The following CYTH4 variants were observed in gnomAD, a reference collection of about 807,000 sequenced individuals.
CYTH4 encodes the protein cytohesin 4, also known as cytohesin-4.
Under a neutral mutation model 57.5 loss-of-function variants are expected in CYTH4, and 22 were observed. The ratio of observed to expected loss-of-function variants is 0.38; its 90% confidence interval spans 0.27 to 0.55. The LOEUF (loss-of-function observed/expected upper bound fraction) is 0.55, where lower values mean the gene tolerates loss of function less well. CYTH4 is among the 20% of genes least tolerant of loss of function. CYTH4 has a pLI of 0.74. For synonymous variants in CYTH4, 186 were observed against 206.5 expected, an observed-to-expected ratio of 0.90 and a Z score of 0.85; for missense variants, 420 against 535.6, an observed-to-expected ratio of 0.78 and a Z score of 2.13.
rs1231588143 is a variant in CYTH4 at position 37,295,115 on chromosome 22, C to T, written c.167+391C>T. 2.6e-5 allele frequency among the ~76,000 whole-genome samples: 4 copies of T among 152,092 alleles called. No homozygotes were observed. The highest frequency in any genetic ancestry group is 9.7e-5 in the African/African-American group (4 of 41,410). On this transcript the variant is annotated intron_variant, in intron 3 of 12. Transcript: ENST00000248901. The surrounding 1 kb of genome is among the most constrained non-coding windows in gnomAD (Gnocchi z 4.1). ...AGGACAGGAGCCTGGCCCTACCCCACCCCACTCACCACTAACCCCGGGCCA... is the reference window on the plus strand; with the variant it reads ...AGGACAGGAGCCTGGCCCTACCCCATCCCACTCACCACTAACCCCGGGCCA...
intron 3 of CYTH4, 71 bp downstream of exon 3, chr22:37,294,795 G>T: frequency 1.3e-6 from 2 of 1,565,288 alleles, no homozygotes; most frequent in Middle Eastern, 1.7e-4. Flanking sequence ...CACCTTGAAT[G>T]AGCAGGGGCC....
At chr22:37,292,780 AC>A in intron 2 of CYTH4, 77 bp downstream of exon 2, 2 of 1,468,788 alleles carry the variant, frequency 1.4e-6, no homozygotes, top group Non-Finnish European at 9.4e-7. Flanking sequence ...CCAGCTCCTG[AC>A]CCAGCCTGGT....
Position 37,296,069 on chromosome 22 carries a change from G to A in CYTH4, c.234+4G>A. 6.2e-7 allele frequency: 1 copy of A among 1,612,054 alleles called. No individual in the cohort carries two copies. Among genetic ancestry groups the A allele is most frequent in the Non-Finnish European group, 8.5e-7 (1 of 1,178,992 alleles). ...GTTCAACATGGACCCCGCCAAGGTAGGTGGCTGTGGAGGGCCCGGGCCACA... is the reference window on the plus strand; with the variant it reads ...GTTCAACATGGACCCCGCCAAGGTAAGTGGCTGTGGAGGGCCCGGGCCACA... On this transcript the variant is annotated splice_donor_region_variant and intron_variant, in intron 4 of 12. Transcript: ENST00000248901.
At chr22:37,294,326 G>A (rs960800147) in intron 2 of CYTH4, among the ~76,000 whole-genome samples, 1 of 151,774 alleles carries the variant, frequency 6.6e-6, no homozygotes, top group African/African-American at 2.4e-5. Flanking sequence ...CTAGAGTGCA[G>A]GAGACTTCAT....
At position 37,311,955 on chromosome 22, in the gene CYTH4, GAGCCTCCTGGAGGGCCCACCC is replaced by G; in HGVS notation, c.958-57_958-37del. 2 of 1,574,488 alleles carry G rather than the reference GAGCCTCCTGGAGGGCCCACCC, an allele frequency of 1.3e-6. No individual in the cohort carries two copies. The highest frequency in any genetic ancestry group is 2.3e-5 in the East Asian group (1 of 44,444). On this transcript the variant is annotated intron_variant, in intron 11 of 12. Coordinates refer to ENST00000248901, the MANE Select transcript of CYTH4 (RefSeq NM_013385.5). This position sits in a 1 kb window ranked among gnomAD's most constrained non-coding sequence, Gnocchi z 4.4. ...GGGACACTAGCGTCTGGGCTTCTCTGAGCCTCCTGGAGGGCCCACCCAGCCTCCCTCTCTTCCCACCCTTGC... is the reference window on the plus strand; with the variant it reads ...GGGACACTAGCGTCTGGGCTTCTCTGAGCCTCCCTCTCTTCCCACCCTTGC...
At chr22:37,310,344 G>T (rs923758321) in intron 9 of CYTH4, among the ~76,000 whole-genome samples, 1 of 152,088 alleles carries the variant, frequency 6.6e-6, no homozygotes, top group African/African-American at 2.4e-5. Context: ...CTCCACCCAA[G>T]TACTGATGGT....
chr22:37,294,595 C>T, intron 2 of CYTH4, 65 bp from the exon 3 acceptor site: 1 of 1,592,440 alleles, frequency 6.3e-7, no homozygotes, highest in Non-Finnish European at 8.6e-7. Flanking sequence ...TCCTTGTGGT[C>T]TCAAACCCCC....
At chr22:37,292,848 C>T in intron 2 of CYTH4, 145 bp downstream of exon 2, 1 of 723,262 alleles carries the variant, frequency 1.4e-6, no homozygotes, top group South Asian at 1.9e-5. Flanking sequence ...GCCCCAGGAG[C>T]AGGGAGAACA....
chr22:37,301,487 A>G (rs1929180519), intron 7 of CYTH4, among the ~76,000 whole-genome samples: 1 of 151,950 alleles, frequency 6.6e-6, no homozygotes, highest in African/African-American at 2.4e-5. Context: ...AAGGAGATAC[A>G]TAAAGGTCAG....
At position 37,295,374 on chromosome 22, in the gene CYTH4, A is replaced by G. The variant is rs529162070; in HGVS notation, c.168-625A>G. Among the ~76,000 whole-genome samples the G allele has an allele frequency of 6.6e-6, 1 of 150,410 alleles. No homozygotes were observed. Among genetic ancestry groups the G allele is most frequent in the Admixed American group, 6.6e-5 (1 of 15,182 alleles). On this transcript the variant is annotated intron_variant, in intron 3 of 12. Transcript: ENST00000248901. This position sits in a 1 kb window ranked among gnomAD's most constrained non-coding sequence, Gnocchi z 4.1. ...AGCCTCCTCCCCTCCCCCACCACAC[A>G]CATGCACACACACACACGCATGCAC... is the stretch of plus-strand genomic sequence containing the variant.
At chr22:37,294,634 C>G (rs768412545) in intron 2 of CYTH4, 26 bp from the exon 3 acceptor site, 1 of 1,613,178 alleles carries the variant, frequency 6.2e-7, no homozygotes, top group Non-Finnish European at 8.5e-7. Flanking sequence ...CCTGACTCTC[C>G]CTGTCCTGCC....
In CYTH4 at chr22:37,302,505, C is replaced by T. The variant is rs563815766; in HGVS notation, c.548-749C>T. 3.3e-5 allele frequency among the ~76,000 whole-genome samples: 5 copies of T among 152,306 alleles called. No homozygotes were observed. The East Asian group carries it at 7.7e-4, about 23-fold the overall frequency. ...GCACAGGGCAAGCACCAACAACGCT[C>T]GGTGCCACTGCTATCAGAGATGGAA... On this transcript the variant is annotated intron_variant, in intron 7 of 12. Transcript: ENST00000248901.
At position 37,298,323 on chromosome 22, in the gene CYTH4, C is replaced by T. The variant is rs551156166; in HGVS notation, c.353+641C>T. 83 of 153,988 alleles carry T rather than the reference C, an allele frequency of 5.4e-4. No individual in the cohort carries two copies. Among genetic ancestry groups the T allele is most frequent in the Non-Finnish European group, 1.1e-3 (73 of 69,190 alleles). The allele number at this position is 153,988 out of a possible 1,614,324, so 9.5% of individuals were successfully genotyped here. ...CGGAGGTTGTAGTGAGCCAAGATCA[C>T]GCCATTGCACTCCAGCCTGGGCAAC... On this transcript the variant is annotated intron_variant, in intron 5 of 12. Coordinates refer to ENST00000248901, the MANE Select transcript of CYTH4 (RefSeq NM_013385.5). This position sits in a 1 kb window ranked among gnomAD's most constrained non-coding sequence, Gnocchi z 4.1.
At chr22:37,304,933 TG>T (rs1929342601) in intron 8 of CYTH4, among the ~76,000 whole-genome samples, 1 of 152,216 alleles carries the variant, frequency 6.6e-6, no homozygotes, top group African/African-American at 2.4e-5. Flanking sequence ...GCCTCCTGCG[TG>T]GCTCCCCAGC....
At chr22:37,293,057 C>T (rs963268794) in intron 2 of CYTH4, among the ~76,000 whole-genome samples, 9 of 152,350 alleles carry the variant, frequency 5.9e-5, no homozygotes, top group East Asian at 3.9e-4. Flanking sequence ...GTCAAGATAA[C>T]TCCCAGTATG....
chr22:37,292,862 A>G (rs1356771156), intron 2 of CYTH4, among the ~76,000 whole-genome samples, 159 bp downstream of exon 2: 1 of 152,060 alleles, frequency 6.6e-6, no homozygotes, highest in Non-Finnish European at 1.5e-5. Context: ...GAGAACAACA[A>G]GACTGCAGAC....
At chr22:37,294,296 G>A (rs910214323) in intron 2 of CYTH4, among the ~76,000 whole-genome samples, 4 of 150,720 alleles carry the variant, frequency 2.7e-5, no homozygotes, top group Non-Finnish European at 4.4e-5. Context: ...TGGGGAGGCC[G>A]GCTTGTCGGG....
At chr22:37,290,826 G>A (rs1309763570) in intron 1 of CYTH4, among the ~76,000 whole-genome samples, 1 of 152,166 alleles carries the variant, frequency 6.6e-6, no homozygotes, top group Non-Finnish European at 1.5e-5. Flanking sequence ...GCTTTTTATT[G>A]CAGTGGCTGC....
At chr22:37,292,768 C>T in intron 2 of CYTH4, 65 bp downstream of exon 2, 1 of 1,531,746 alleles carries the variant, frequency 6.5e-7, no homozygotes, top group Non-Finnish European at 9.0e-7. Context: ...GTACGCACCC[C>T]ACCAGCTCCT....
Sources: gnomAD v4.1 joint callset for allele counts (sites outside exome capture counted in the v4.1 genomes callset) on GRCh38, gnomAD v4.1.1 for gene constraint, Gnocchi (gnomAD v3.1) non-coding constraint, MANE v1.5 for transcripts, NCBI Gene and HGNC (gene_info 2026-07-23, HGNC 2026-07-21) for gene names.